ZNF385D: variants seen among roughly 807,000 people sequenced by gnomAD.
ZNF385D encodes the protein zinc finger protein 659.
In ZNF385D, 15 loss-of-function variants were observed where a neutral mutation model predicts 35.8. That is an observed-to-expected ratio of 0.42 (90% CI 0.28 to 0.64). The LOEUF is 0.64. Ranked by LOEUF, ZNF385D falls within the 30% of genes least tolerant of loss-of-function variation. ZNF385D has a pLI of 0.23. For synonymous variants in ZNF385D, 212 were observed against 186.8 expected, an observed-to-expected ratio of 1.13 and a Z score of -1.10; for missense variants, 474 against 494.6, an observed-to-expected ratio of 0.96 and a Z score of 0.39.
intron 2 of ZNF385D, among the ~76,000 whole-genome samples, chr3:22,229,122 C>T (rs1301905990): frequency 6.6e-6 from 1 of 152,138 alleles, no homozygotes; most frequent in Admixed American, 6.5e-5. Flanking sequence ...TAGTCCTGTC[C>T]CTCTAAAGAA....
chr3:22,135,064 A>T (rs1309984869), intron 3 of ZNF385D, among the ~76,000 whole-genome samples: 1 of 152,200 alleles, frequency 6.6e-6, no homozygotes, highest in African/African-American at 2.4e-5. Context: ...ACCAGAAAGA[A>T]AACAGGAAAA....
At chr3:21,453,340 G>A (rs939980928) in intron 4 of ZNF385D, among the ~76,000 whole-genome samples, 6 of 151,976 alleles carry the variant, frequency 3.9e-5, no homozygotes, top group East Asian at 1.9e-4. Context: ...ATAAAAGCAT[G>A]AGGAACAAAA....
At chr3:21,694,042 C>CTATTTTTTTTTTTTTTTTTT (rs2067379702) in intron 1 of ZNF385D, among the ~76,000 whole-genome samples, 3 of 22,168 alleles carry the variant, frequency 1.4e-4, no homozygotes, top group African/African-American at 6.3e-4. Context: ...CTACGCCTGG[C>CTATTTTTTTTTTTTTTTTTT]TTTTTTTTTT....
chr3:21,639,841 T>C (rs2065550571), intron 2 of ZNF385D, among the ~76,000 whole-genome samples: 1 of 152,030 alleles, frequency 6.6e-6, no homozygotes, highest in Non-Finnish European at 1.5e-5. Flanking sequence ...ATGTTCACCA[T>C]GTGAGTCTGC....
intron 3 of ZNF385D, among the ~76,000 whole-genome samples, chr3:21,989,128 C>G (rs1030462878): frequency 1.3e-5 from 2 of 152,172 alleles, no homozygotes; most frequent in African/African-American, 4.8e-5. Context: ...GTCGCTCACG[C>G]TGGGAGCTGT....
intron 3 of ZNF385D, among the ~76,000 whole-genome samples, chr3:21,764,943 T>C (rs368590491): frequency 5.9e-5 from 9 of 152,198 alleles, no homozygotes; most frequent in Non-Finnish European, 1.2e-4. Flanking sequence ...TGTCACATTA[T>C]GGATGCCCTT....
In ZNF385D at chr3:22,041,761, G is replaced by A. The variant is rs554081651; in HGVS notation, c.325+127056C>T. On this transcript the variant is annotated intron_variant, in intron 3 of 5. Coordinates refer to the ZNF385D transcript ENST00000494108. ...ATTATAAGAGAGATACTGAAGAGCTGGTGTCTATTCAATTGAGATTTATAA... is the reference window on the plus strand; with the variant it reads ...ATTATAAGAGAGATACTGAAGAGCTAGTGTCTATTCAATTGAGATTTATAA... Among the ~76,000 whole-genome samples, 25 of 152,112 alleles carry A rather than the reference G, an allele frequency of 1.6e-4. No homozygotes were observed. The South Asian group carries it at 4.4e-3, about 26-fold the overall frequency.
At chr3:21,446,556 C>T (rs1702165578) in intron 4 of ZNF385D, among the ~76,000 whole-genome samples, 1 of 128,460 alleles carries the variant, frequency 7.8e-6, no homozygotes, top group Admixed American at 9.5e-5. Context: ...TGCGGTGGCA[C>T]CATCTCAGCT....
chr3:21,934,712 A>T (rs1238827116), intron 3 of ZNF385D, among the ~76,000 whole-genome samples: 1 of 152,228 alleles, frequency 6.6e-6, no homozygotes, highest in Non-Finnish European at 1.5e-5. Flanking sequence ...TTTGGGGGAC[A>T]CATTTCTTCA....
At chr3:21,678,843 C>T (rs1194805063) in intron 1 of ZNF385D, among the ~76,000 whole-genome samples, 1 of 152,048 alleles carries the variant, frequency 6.6e-6, no homozygotes, top group Non-Finnish European at 1.5e-5. Flanking sequence ...ATTTGCTTCC[C>T]AAGTTATCAG....
intron 3 of ZNF385D, among the ~76,000 whole-genome samples, chr3:22,137,978 G>T (rs1028104545): frequency 2.7e-4 from 41 of 152,100 alleles, no homozygotes; most frequent in Non-Finnish European, 1.5e-4. Context: ...AAACTCTCAG[G>T]ATACAAAATC....
chr3:22,026,844 C>T lies in ZNF385D; in HGVS notation c.325+141973G>A, dbSNP rs1697586077. ...GATGCAAGGGTGGTGATTCCCACCA[C>T]GTCCCCATTCAACTATTTCATTTGG... On this transcript the variant is annotated intron_variant, in intron 3 of 5. Coordinates refer to the ZNF385D transcript ENST00000494108. Among the ~76,000 whole-genome samples the T allele has an allele frequency of 2.0e-5, 3 of 152,198 alleles. No individual in the cohort carries two copies. The South Asian group carries it at 6.2e-4, about 32-fold the overall frequency.
intron 2 of ZNF385D, among the ~76,000 whole-genome samples, chr3:22,342,728 C>T (rs1025833897): frequency 6.6e-6 from 1 of 152,116 alleles, no homozygotes; most frequent in African/African-American, 2.4e-5. Flanking sequence ...GCTAGAACAC[C>T]AACAAGCAAA....
chr3:21,433,803 A>ATT (rs1469553889), intron 5 of ZNF385D, among the ~76,000 whole-genome samples: 1 of 152,160 alleles, frequency 6.6e-6, no homozygotes, highest in Non-Finnish European at 1.5e-5. Context: ...ATTTTAAACA[A>ATT]TTAATGTGGT....
chr3:21,892,340 G>C (rs918270133), intron 3 of ZNF385D, among the ~76,000 whole-genome samples: 3 of 152,116 alleles, frequency 2.0e-5, no homozygotes, highest in Non-Finnish European at 2.9e-5. Flanking sequence ...AGAAATAATA[G>C]CAAATGACTG....
At chr3:21,869,246 A>G (rs1343884828) in intron 3 of ZNF385D, among the ~76,000 whole-genome samples, 2 of 152,152 alleles carry the variant, frequency 1.3e-5, no homozygotes, top group Non-Finnish European at 2.9e-5. Flanking sequence ...GACAGGGCAG[A>G]GATACAATGT....
At chr3:21,780,918 G>A (rs17009557) in intron 3 of ZNF385D, among the ~76,000 whole-genome samples, 10,442 of 152,126 alleles carry the variant, frequency 0.069, 650 homozygotes, top group East Asian at 0.33. Context: ...TGGAGGACAC[G>A]ATGTGGGCAG....
intron 3 of ZNF385D, among the ~76,000 whole-genome samples, chr3:21,812,038 A>T (rs1241210286): frequency 6.6e-6 from 1 of 152,220 alleles, no homozygotes; most frequent in Non-Finnish European, 1.5e-5. Flanking sequence ...CAAATCTCTA[A>T]ATATAAATAT....
intron 2 of ZNF385D, among the ~76,000 whole-genome samples, chr3:21,663,919 T>TATA (rs1201308131): frequency 1.3e-3 from 50 of 39,220 alleles, no homozygotes; most frequent in African/African-American, 2.4e-3. Flanking sequence ...ATATATATAT[T>TATA]TATTTATTTA....
Sources: gnomAD v4.1 joint callset for allele counts (sites outside exome capture counted in the v4.1 genomes callset) on GRCh38, gnomAD v4.1.1 for gene constraint, MANE v1.5 for transcripts, NCBI Gene and HGNC (gene_info 2026-07-23, HGNC 2026-07-21) for gene names.